The following KCNQ5 variants were observed in gnomAD, a reference collection of about 807,000 sequenced individuals.
The protein encoded by KCNQ5 is potassium voltage-gated channel subfamily KQT member 5.
In KCNQ5, 30 loss-of-function variants were observed where a neutral mutation model predicts 98.2. The observed-to-expected ratio is 0.31, with a 90% confidence interval of 0.23 to 0.41. KCNQ5 has a LOEUF of 0.41. Ranked by LOEUF, KCNQ5 falls within the 10% of genes least tolerant of loss-of-function variation. The pLI, the probability that KCNQ5 is intolerant of heterozygous loss-of-function variation, is 1.00. For synonymous variants in KCNQ5, 458 were observed against 449.4 expected, an observed-to-expected ratio of 1.02 and a Z score of -0.24; for missense variants, 835 against 1,182.5, an observed-to-expected ratio of 0.71 and a Z score of 4.31.
Position 72,622,680 on chromosome 6 carries a change from G to T in KCNQ5, c.398+93G>T. On this transcript the variant is annotated intron_variant, in intron 1 of 13. Coordinates refer to ENST00000370398, the MANE Select transcript of KCNQ5 (RefSeq NM_019842.4). This position sits in a 1 kb window ranked among gnomAD's most constrained non-coding sequence, Gnocchi z 6.0. ...TCCGCGCTCGCGCCCTTGGGCCCCC[G>T]CGCGCGTGCACACGTGGTGGCTTTT... The T allele has an allele frequency of 2.1e-6, 3 of 1,429,828 alleles. No homozygotes were observed. Among genetic ancestry groups the T allele is most frequent in the Non-Finnish European group, 2.9e-6 (3 of 1,045,202 alleles). 88.6% of individuals were successfully genotyped at this position (1,429,828 alleles called of 1,614,324 possible). A position where few individuals can be genotyped will look rare whatever the true frequency, so the allele number is the denominator to read the frequency against.
intron 1 of KCNQ5, among the ~76,000 whole-genome samples, chr6:72,760,267 T>G (rs1005226569): frequency 3.9e-5 from 6 of 152,136 alleles, no homozygotes; most frequent in Non-Finnish European, 4.4e-5. Flanking sequence ...GCATTTTAGA[T>G]TTTGGTCTAA....
At chr6:72,857,051 C>T (rs6942124) in intron 1 of KCNQ5, among the ~76,000 whole-genome samples, 1,768 of 152,358 alleles carry the variant, frequency 0.012, 38 homozygotes, top group African/African-American at 0.04. Flanking sequence ...AGGCTCTTAA[C>T]TCCCACTAGG....
intron 1 of KCNQ5, among the ~76,000 whole-genome samples, chr6:72,762,339 C>T (rs894305194): frequency 1.3e-5 from 2 of 151,670 alleles, no homozygotes; most frequent in South Asian, 2.1e-4. Context: ...GTGTAAAAAG[C>T]GTAGGTTTGG....
At chr6:72,679,161 T>C (rs1767565808) in intron 1 of KCNQ5, among the ~76,000 whole-genome samples, 1 of 152,198 alleles carries the variant, frequency 6.6e-6, no homozygotes, top group Admixed American at 6.5e-5. Context: ...AAATTGAATT[T>C]TAATTCAGCT....
chr6:73,140,798 CA>C (rs1412767225), intron 10 of KCNQ5, among the ~76,000 whole-genome samples: 1 of 152,142 alleles, frequency 6.6e-6, no homozygotes, highest in African/African-American at 2.4e-5. Flanking sequence ...TGGTAAAAAC[CA>C]TTACCTGAAG....
rs59654640 is a variant in KCNQ5 at position 72,655,174 on chromosome 6, GAA to G, written c.398+32598_398+32599del. ...TCAGTAGCTATGTGCAAACAAAATGGAAAAAAAAAAAACAGAGAAAAATCCTC... is the reference window on the plus strand; with the variant it reads ...TCAGTAGCTATGTGCAAACAAAATGGAAAAAAAAAACAGAGAAAAATCCTC... On this transcript the variant is annotated intron_variant, in intron 1 of 13. Coordinates refer to ENST00000370398, the MANE Select transcript of KCNQ5 (RefSeq NM_019842.4). Among the ~76,000 whole-genome samples the G allele has an allele frequency of 1.5e-3, 198 of 128,448 alleles. 3 individuals are homozygous for G. The highest frequency in any genetic ancestry group is 4.8e-3 in the African/African-American group (173 of 36,204). 84.3% of individuals were successfully genotyped at this position (128,448 alleles called of 152,430 possible).
intron 1 of KCNQ5, chr6:72,987,804 T>C (rs1448819733): frequency 2.5e-5 from 10 of 395,548 alleles, no homozygotes; most frequent in Admixed American, 9.7e-5. Flanking sequence ...TTATCCCATT[T>C]ATGCTGGAGA....
intron 3 of KCNQ5, 97 bp from the exon 4 acceptor site, chr6:73,077,225 C>A: frequency 8.1e-7 from 1 of 1,240,974 alleles, no homozygotes; most frequent in African/African-American, 1.5e-5. Context: ...TTATCTGTAC[C>A]TTAAATAGGT....
At chr6:73,054,451 C>A (rs1168808616) in intron 3 of KCNQ5, among the ~76,000 whole-genome samples, 1 of 152,154 alleles carries the variant, frequency 6.6e-6, no homozygotes, top group Non-Finnish European at 1.5e-5. Flanking sequence ...TCAATAAAAT[C>A]CTAGTGAAAT....
chr6:73,148,348 G>A (rs1291069326), intron 10 of KCNQ5, among the ~76,000 whole-genome samples: 3 of 152,204 alleles, frequency 2.0e-5, no homozygotes, highest in Admixed American at 6.5e-5. Context: ...TACCTACTCA[G>A]TGTAAATGGG....
chr6:73,144,245 A>G (rs1418562554), intron 10 of KCNQ5, among the ~76,000 whole-genome samples: 1 of 152,172 alleles, frequency 6.6e-6, no homozygotes, highest in Non-Finnish European at 1.5e-5. Context: ...TTGCTTTTAC[A>G]GGTATTTTAT....
At chr6:72,736,825 T>A (rs556212535) in intron 1 of KCNQ5, among the ~76,000 whole-genome samples, 2 of 151,882 alleles carry the variant, frequency 1.3e-5, no homozygotes, top group South Asian at 2.1e-4. Context: ...AAGGAAAAAA[T>A]TTACGTAGGC....
intron 1 of KCNQ5, among the ~76,000 whole-genome samples, chr6:72,949,514 T>C (rs1766702124): frequency 2.0e-5 from 3 of 152,222 alleles, no homozygotes; most frequent in Admixed American, 2.0e-4. Flanking sequence ...TTTCTGAGCT[T>C]ATACTCCATA....
At chr6:72,754,551 A>C (rs1276135647) in intron 1 of KCNQ5, among the ~76,000 whole-genome samples, 1 of 152,126 alleles carries the variant, frequency 6.6e-6, no homozygotes, top group East Asian at 1.9e-4. Flanking sequence ...ACGGGCATCT[A>C]GCAGACAGGG....
chr6:73,052,986 T>C (rs1448749966), intron 3 of KCNQ5, among the ~76,000 whole-genome samples: 1 of 152,236 alleles, frequency 6.6e-6, no homozygotes, highest in African/African-American at 2.4e-5. Context: ...AACAGTATGC[T>C]GTCTTGAATA....
chr6:73,195,297 G>C lies in KCNQ5; in HGVS notation c.2682G>C (p.Arg894Ser), dbSNP rs1386582834. ...TTGATGCCGCACCGCAGCCTGCCAG[G>C]GAAGCTGCCTTTGCATCAGACTCTC... is the stretch of plus-strand genomic sequence containing the variant. ...DTFDAAPQPA[R>S]EAAFASDSLR... is the part of the protein sequence containing the mutation. Residue 894 changes from arginine (R) to serine (S), a missense_variant, in exon 14 of 14, where the codon AGG becomes AGC. Physicochemically the swap from Arg to Ser is moderately radical, Grantham distance 110. This residue lies in a region of KCNQ5 where 416 missense variants were observed against 446.9 expected (regional missense o/e 0.93). Transcript: ENST00000370398. 4 of 1,614,200 alleles carry C rather than the reference G, an allele frequency of 2.5e-6. No homozygotes were observed. In the South Asian group the frequency reaches 4.4e-5, roughly 18 times the overall value.
intron 9 of KCNQ5, among the ~76,000 whole-genome samples, chr6:73,126,310 T>G (rs1002927890): frequency 3.3e-5 from 5 of 152,170 alleles, no homozygotes; most frequent in African/African-American, 1.2e-4. Flanking sequence ...AAAGAGAAGT[T>G]TGTAAATGAC....
At chr6:73,133,939 T>C (rs968790721) in intron 10 of KCNQ5, 1 of 525,580 alleles carries the variant, frequency 1.9e-6, no homozygotes, top group Admixed American at 2.3e-5. Context: ...CACATTAAGA[T>C]CAATGGGACT....
At position 72,851,984 on chromosome 6, in the gene KCNQ5, A is replaced by G. The variant is rs1777278573; in HGVS notation, c.399-151924A>G. ...GCTAGAGATGGAGATAGTTCACTGCATATATAACTACACATACACATACTA... is the reference window on the plus strand; with the variant it reads ...GCTAGAGATGGAGATAGTTCACTGCGTATATAACTACACATACACATACTA... On this transcript the variant is annotated intron_variant, in intron 1 of 13. Coordinates refer to ENST00000370398, the MANE Select transcript of KCNQ5 (RefSeq NM_019842.4). Among the ~76,000 whole-genome samples, 3 of 152,132 alleles carry G rather than the reference A, an allele frequency of 2.0e-5. No individual in the cohort carries two copies. In the South Asian group the frequency reaches 6.2e-4, roughly 32 times the overall value.
Sources: allele counts gnomAD v4.1 joint callset (sites outside exome capture counted in the v4.1 genomes callset), GRCh38; gene constraint gnomAD v4.1.1; regional missense constraint gnomAD v4.1.1; non-coding constraint Gnocchi (gnomAD v3.1); transcripts MANE v1.5; gene names NCBI Gene and HGNC (gene_info 2026-07-23, HGNC 2026-07-21).